The following RORB variants were observed in gnomAD, a reference collection of about 807,000 sequenced individuals.
RORB encodes the protein RAR related orphan receptor B.
RORB carries 6 observed loss-of-function variants against 59.1 expected under a neutral mutation model. The ratio of observed to expected loss-of-function variants is 0.10; its 90% CI spans 0.06 to 0.20. The LOEUF is 0.20. Ranked by LOEUF, RORB falls within the 10% of genes least tolerant of loss-of-function variation. The pLI, the probability that RORB is intolerant of heterozygous loss-of-function variation, is 1.00. For missense variants in RORB, 320 were observed against 560.5 expected, an observed-to-expected ratio of 0.57 and a Z score of 4.33; for synonymous variants, 215 against 204.5, an observed-to-expected ratio of 1.05 and a Z score of -0.44.
chr9:74,551,683 C>G (rs1399516319), intron 1 of RORB, among the ~76,000 whole-genome samples: 1 of 152,120 alleles, frequency 6.6e-6, no homozygotes, highest in Non-Finnish European at 1.5e-5. Flanking sequence ...TAATTAGAGA[C>G]TTAACAGTAG....
intron 1 of RORB, among the ~76,000 whole-genome samples, chr9:74,512,081 T>A (rs1049800119): frequency 6.6e-6 from 1 of 152,174 alleles, no homozygotes; most frequent in African/African-American, 2.4e-5. Context: ...AACAGTGGAT[T>A]AATACTGTGC....
chr9:74,596,765 A>G (rs777561461), intron 1 of RORB, among the ~76,000 whole-genome samples: 1 of 152,242 alleles, frequency 6.6e-6, no homozygotes, highest in Non-Finnish European at 1.5e-5. Context: ...TTAGATAGCC[A>G]TTAACCACAT....
At chr9:74,592,496 C>G (rs967167273) in intron 1 of RORB, among the ~76,000 whole-genome samples, 1 of 152,064 alleles carries the variant, frequency 6.6e-6, no homozygotes, top group Non-Finnish European at 1.5e-5. Flanking sequence ...CCCATTGCCT[C>G]GAAATAGTTG....
intron 1 of RORB, among the ~76,000 whole-genome samples, chr9:74,625,575 C>T (rs1823498208): frequency 6.6e-6 from 1 of 152,196 alleles, no homozygotes; most frequent in African/African-American, 2.4e-5. Context: ...AATAACACTG[C>T]ACTCCAGCCT....
At position 74,530,070 on chromosome 9, in the gene RORB, T is replaced by C. The variant is rs75811760; in HGVS notation, c.7+32087T>C. On this transcript the variant is annotated intron_variant, in intron 1 of 9. Transcript: ENST00000376896. Reference sequence around the variant, plus strand: ...ATGTATAAGCACTTCATGTTTCTTCTGAAAATTGATCCTCCCTTTCTGTTT... The same window carrying C: ...ATGTATAAGCACTTCATGTTTCTTCCGAAAATTGATCCTCCCTTTCTGTTT... Among the ~76,000 whole-genome samples, 932 of 152,162 alleles carry C rather than the reference T, an allele frequency of 6.1e-3. 14 individuals carry two copies. Among genetic ancestry groups the C allele is most frequent in the African/African-American group, 0.022 (905 of 41,560 alleles).
intron 1 of RORB, among the ~76,000 whole-genome samples, chr9:74,514,090 C>T (rs1399201288): frequency 1.3e-5 from 2 of 152,034 alleles, no homozygotes; most frequent in East Asian, 3.9e-4. Context: ...ATTCATTCTT[C>T]GTTAACTTTT....
chr9:74,524,703 T>C (rs1365323150), intron 1 of RORB, among the ~76,000 whole-genome samples: 3 of 151,926 alleles, frequency 2.0e-5, no homozygotes, highest in East Asian at 3.9e-4. Context: ...AGATCAACCA[T>C]TGTAATTCAA....
chr9:74,653,448 C>A (rs1360868751), intron 4 of RORB, among the ~76,000 whole-genome samples: 1 of 150,546 alleles, frequency 6.6e-6, no homozygotes, highest in Non-Finnish European at 1.5e-5. Context: ...AGGAAGAATA[C>A]TTCCAACTTT....
chr9:74,509,981 A>G (rs1047332206), intron 1 of RORB, among the ~76,000 whole-genome samples: 1 of 152,148 alleles, frequency 6.6e-6, no homozygotes, highest in Non-Finnish European at 1.5e-5. Context: ...ACATCAAGCT[A>G]TCATTTATGC....
chr9:74,630,389 C>CGGTTCTG, intron 2 of RORB, 22 bp downstream of exon 2: 1 of 1,593,862 alleles, frequency 6.3e-7, no homozygotes, highest in Non-Finnish European at 8.6e-7. Flanking sequence ...TCATACAGCA[C>CGGTTCTG]GGTTCTGTAT....
chr9:74,662,528 T>C lies in RORB; in HGVS notation c.814T>C (p.Tyr272His). 2 of 1,614,094 alleles carry C rather than the reference T, an allele frequency of 1.2e-6. No individual in the cohort carries two copies. The highest frequency in any genetic ancestry group is 2.2e-5 in the South Asian group (2 of 91,078). Reference protein sequence around the residue: ...CAIQITHAIQYVVEFAKRITG... With the variant: ...CAIQITHAIQHVVEFAKRITG... ...CATCCAGATCACTCACGCCATCCAA[T>C]ACGTGGTGGAGTTTGCAAAGCGGAT... Residue 272 changes from tyrosine to histidine, a missense_variant, in exon 6 of 10, where the codon TAC (tyrosine) becomes CAC (histidine). By Grantham distance (83) the Tyr-to-His change is moderately conservative. Around this residue, in one of 4 missense-constraint regions of RORB, gnomAD observed 40 missense variants for 116.9 expected, o/e 0.34. Transcript: ENST00000376896.
chr9:74,639,494 A>C (rs1014032026), intron 3 of RORB, among the ~76,000 whole-genome samples: 4 of 152,002 alleles, frequency 2.6e-5, no homozygotes, highest in Non-Finnish European at 4.4e-5. Flanking sequence ...TAAAGCAAGG[A>C]TTAAATGGAA....
chr9:74,601,014 C>T (rs1278155333), intron 1 of RORB, among the ~76,000 whole-genome samples: 1 of 152,034 alleles, frequency 6.6e-6, no homozygotes, highest in Admixed American at 6.6e-5. Context: ...GGCCATTGTT[C>T]ACCTATTACA....
intron 1 of RORB, among the ~76,000 whole-genome samples, chr9:74,609,057 C>T (rs1823192048): frequency 6.6e-6 from 1 of 152,152 alleles, no homozygotes. Flanking sequence ...AGATATACCC[C>T]CATTATTCCC....
chr9:74,647,798 A>G (rs1823924602), intron 4 of RORB, among the ~76,000 whole-genome samples: 2 of 152,228 alleles, frequency 1.3e-5, no homozygotes, highest in South Asian at 4.1e-4. Flanking sequence ...ATAAAAATAC[A>G]GAAGATTTTA....
At chr9:74,643,210 A>T (rs1292950576) in intron 4 of RORB, among the ~76,000 whole-genome samples, 1 of 152,186 alleles carries the variant, frequency 6.6e-6, no homozygotes, top group Non-Finnish European at 1.5e-5. Context: ...CCAAACGAAC[A>T]GGGGCCCAAC....
intron 1 of RORB, among the ~76,000 whole-genome samples, chr9:74,503,629 G>C (rs539939794): frequency 6.6e-6 from 1 of 151,832 alleles, no homozygotes; most frequent in South Asian, 2.1e-4. Flanking sequence ...AGAGGGAAAG[G>C]GAATCAAAGA....
chr9:74,508,589 T>C (rs1037483535), intron 1 of RORB, among the ~76,000 whole-genome samples: 1 of 152,084 alleles, frequency 6.6e-6, no homozygotes, highest in Non-Finnish European at 1.5e-5. Flanking sequence ...CCTTCTATAG[T>C]GAAGAAGGTG....
chr9:74,515,603 C>T lies in RORB; in HGVS notation c.7+17620C>T, dbSNP rs375235678. 2.6e-5 allele frequency among the ~76,000 whole-genome samples: 4 copies of T among 152,070 alleles called. No homozygotes were observed. In the East Asian group the frequency reaches 7.7e-4, roughly 29 times the overall value. ...TAAAATAGCTGAGTCTTTCCTTTCC[C>T]TCCCATGAAAAAATATGCTTTCTAT... On this transcript the variant is annotated intron_variant, in intron 1 of 9. Coordinates refer to ENST00000376896, the MANE Select transcript of RORB (RefSeq NM_006914.4).
Sources: allele counts gnomAD v4.1 joint callset (sites outside exome capture counted in the v4.1 genomes callset), GRCh38; gene constraint gnomAD v4.1.1; regional missense constraint gnomAD v4.1.1; transcripts MANE v1.5; gene names NCBI Gene and HGNC (gene_info 2026-07-23, HGNC 2026-07-21).